Variants in FNDC3B observed in about 807,000 individuals in gnomAD.
FNDC3B encodes fibronectin type III domain containing 3B.
Under a neutral mutation model 151.5 loss-of-function variants are expected in FNDC3B, and 12 were observed. The ratio of observed to expected loss-of-function variants is 0.08; its 90% CI spans 0.05 to 0.13. The LOEUF (loss-of-function observed/expected upper bound fraction) is 0.13. Among genes scored for constraint, FNDC3B ranks in the 10% least tolerant of loss-of-function variants. The pLI is 1.00. For synonymous variants in FNDC3B, 528 were observed against 549.0 expected, an observed-to-expected ratio of 0.96 and a Z score of 0.54; for missense variants, 1,214 against 1,505.3, an observed-to-expected ratio of 0.81 and a Z score of 3.20.
intron 4 of FNDC3B, among the ~76,000 whole-genome samples, chr3:172,242,075 C>A (rs1444443122): frequency 6.6e-6 from 1 of 152,256 alleles, no homozygotes. Context: ...ACAGTCAAAT[C>A]TTAAAGCTCC....
intron 9 of FNDC3B, among the ~76,000 whole-genome samples, chr3:172,299,609 C>T (rs1730798641): frequency 6.9e-6 from 1 of 144,734 alleles, no homozygotes; most frequent in Non-Finnish European, 1.5e-5. Context: ...TGTACAACAA[C>T]ACATTGTTTC....
intron 3 of FNDC3B, among the ~76,000 whole-genome samples, chr3:172,142,815 C>T (rs549823472): frequency 6.6e-6 from 1 of 152,294 alleles, no homozygotes; most frequent in Non-Finnish European, 1.5e-5. Flanking sequence ...TTATTAACAA[C>T]GGAAATCTAT....
At chr3:172,167,650 G>T (rs760037873) in intron 3 of FNDC3B, among the ~76,000 whole-genome samples, 19 of 152,190 alleles carry the variant, frequency 1.2e-4, no homozygotes, top group Non-Finnish European at 2.5e-4. Context: ...CTGGGCCATG[G>T]ATGGTACCTG....
In FNDC3B at chr3:172,334,933, T is replaced by C. The variant is rs1326044154; in HGVS notation, c.1642-11T>C. The C allele has an allele frequency of 5.6e-6, 9 of 1,608,020 alleles. No individual in the cohort carries two copies. The highest frequency in any genetic ancestry group is 7.6e-6 in the Non-Finnish European group (9 of 1,177,772). On this transcript the variant is annotated splice_polypyrimidine_tract_variant and intron_variant, in intron 14 of 25. Coordinates refer to ENST00000415807, the MANE Select transcript of FNDC3B (RefSeq NM_022763.4). Reference sequence around the variant, plus strand: ...CTAAATCATGTTAACGTTTCCTTGGTTGTGTTCTAGCTGACTGCTTCTAAT... The same window carrying C: ...CTAAATCATGTTAACGTTTCCTTGGCTGTGTTCTAGCTGACTGCTTCTAAT...
intron 3 of FNDC3B, among the ~76,000 whole-genome samples, chr3:172,213,440 T>G (rs974642383): frequency 2.0e-5 from 3 of 152,220 alleles, no homozygotes; most frequent in Non-Finnish European, 4.4e-5. Flanking sequence ...GATAAGGTGA[T>G]GAAGAAACTC....
chr3:172,190,965 A>C (rs961694337), intron 3 of FNDC3B, among the ~76,000 whole-genome samples: 5 of 152,178 alleles, frequency 3.3e-5, no homozygotes, highest in African/African-American at 1.2e-4. Context: ...CACCATGCCC[A>C]GCCCCATTGT....
At chr3:172,259,079 C>A (rs1404657752) in intron 6 of FNDC3B, among the ~76,000 whole-genome samples, 2 of 152,024 alleles carry the variant, frequency 1.3e-5, no homozygotes, top group African/African-American at 4.8e-5. Context: ...GATGATGAAT[C>A]CTGTGTTTTT....
intron 1 of FNDC3B, among the ~76,000 whole-genome samples, chr3:172,057,142 C>T (rs1157575041): frequency 6.6e-6 from 1 of 152,150 alleles, no homozygotes; most frequent in African/African-American, 2.4e-5. Context: ...AAAGGGGAGT[C>T]ACTCCCTCCC....
chr3:172,187,605 C>T (rs1280824302), intron 3 of FNDC3B, among the ~76,000 whole-genome samples: 1 of 152,166 alleles, frequency 6.6e-6, no homozygotes, highest in Non-Finnish European at 1.5e-5. Context: ...TGAAGTGTAG[C>T]CCAAAAACAT....
intron 1 of FNDC3B, among the ~76,000 whole-genome samples, chr3:172,087,877 C>G (rs1718629302): frequency 6.6e-6 from 1 of 152,174 alleles, no homozygotes. Context: ...AGCTCTAGAT[C>G]TCCAAATAAT....
chr3:172,228,967 C>T (rs1242479060), intron 4 of FNDC3B, among the ~76,000 whole-genome samples: 1 of 152,054 alleles, frequency 6.6e-6, no homozygotes, highest in Non-Finnish European at 1.5e-5. Context: ...GCTGGCAGTA[C>T]ACACACTTCA....
intron 2 of FNDC3B, among the ~76,000 whole-genome samples, chr3:172,130,042 G>A (rs779701240): frequency 2.0e-5 from 3 of 152,176 alleles, no homozygotes; most frequent in Middle Eastern, 3.4e-3. Context: ...TGTATGATAG[G>A]AAAGGTTAAG....
intron 1 of FNDC3B, among the ~76,000 whole-genome samples, chr3:172,074,846 T>C (rs1256661167): frequency 6.6e-6 from 1 of 152,210 alleles, no homozygotes; most frequent in African/African-American, 2.4e-5. Flanking sequence ...GGTGTTGTCA[T>C]CCAGTGTCAA....
chr3:172,221,110 CA>C (rs1357138401), intron 3 of FNDC3B, among the ~76,000 whole-genome samples: 1 of 152,124 alleles, frequency 6.6e-6, no homozygotes, highest in Non-Finnish European at 1.5e-5. Context: ...TGTAGAAACA[CA>C]ATTGGCTTTT....
Position 172,059,544 on chromosome 3 carries a change from T to TTA in FNDC3B, c.-29+19775_-29+19776dup, listed in dbSNP as rs373985754. ...TGAGAATTTAGGTTTGAAAGTGACT[T>TTA]TATGGATTATTAACTGGCCACCTGG... On this transcript the variant is annotated intron_variant, in intron 1 of 25. Transcript: ENST00000415807. Among the ~76,000 whole-genome samples the TTA allele has an allele frequency of 1.6e-3, 243 of 151,664 alleles. 3 individuals carry two copies. The highest frequency in any genetic ancestry group is 5.6e-3 in the African/African-American group (231 of 40,946).
At chr3:172,322,398 C>T (rs892512831) in intron 11 of FNDC3B, among the ~76,000 whole-genome samples, 2 of 152,184 alleles carry the variant, frequency 1.3e-5, no homozygotes, top group Non-Finnish European at 2.9e-5. Flanking sequence ...CCAGCCTTGG[C>T]TTCATTTCCA....
intron 4 of FNDC3B, among the ~76,000 whole-genome samples, chr3:172,229,934 G>C (rs1726799596): frequency 6.6e-6 from 1 of 152,010 alleles, no homozygotes; most frequent in South Asian, 2.1e-4. Flanking sequence ...TCAATAAATG[G>C]TGCTGGAAAA....
At chr3:172,377,147 A>C (rs1205658829) in intron 23 of FNDC3B, among the ~76,000 whole-genome samples, 1 of 152,262 alleles carries the variant, frequency 6.6e-6, no homozygotes, top group Non-Finnish European at 1.5e-5. Flanking sequence ...CCCAAGAGTC[A>C]GACATTTTGG....
intron 3 of FNDC3B, among the ~76,000 whole-genome samples, chr3:172,221,695 A>C (rs967289513): frequency 1.3e-5 from 2 of 152,240 alleles, no homozygotes; most frequent in African/African-American, 4.8e-5. Flanking sequence ...ATTTAAAAAA[A>C]AAAAAGAATG....
Sources: allele counts gnomAD v4.1 joint callset (sites outside exome capture counted in the v4.1 genomes callset), GRCh38; gene constraint gnomAD v4.1.1; transcripts MANE v1.5; gene names NCBI Gene and HGNC (gene_info 2026-07-23, HGNC 2026-07-21).